BIN3: variants seen among roughly 807,000 people sequenced by gnomAD.
The protein encoded by BIN3 is bridging integrator 3.
In BIN3, 41 loss-of-function variants were observed where a neutral mutation model predicts 38.2. The observed-to-expected ratio is 1.07, with a 90% CI of 0.84 to 1.39. The LOEUF (loss-of-function observed/expected upper bound fraction) is 1.39, where lower values mean the gene tolerates loss of function less well. Ranked by LOEUF, BIN3 falls within the 40% of genes most tolerant of loss-of-function variation. The pLI is 0.00. For synonymous variants in BIN3, 145 were observed against 122.6 expected, an observed-to-expected ratio of 1.18 and a Z score of -1.21; for missense variants, 361 against 324.3, an observed-to-expected ratio of 1.11 and a Z score of -0.87.
chr8:22,649,427 C>A (rs868022092), intron 1 of BIN3, among the ~76,000 whole-genome samples: 1 of 132,978 alleles, frequency 7.5e-6, no homozygotes, highest in African/African-American at 2.8e-5. Flanking sequence ...TACAGAAAAA[C>A]GTGCTCATTG....
At chr8:22,635,486 A>T (rs1385435706) in intron 4 of BIN3, among the ~76,000 whole-genome samples, 3 of 152,018 alleles carry the variant, frequency 2.0e-5, no homozygotes, top group Non-Finnish European at 2.9e-5. Context: ...TCCCCACTGG[A>T]CCCAGGGAAG....
intron 4 of BIN3, 87 bp downstream of exon 4, chr8:22,636,438 T>G: frequency 7.1e-7 from 1 of 1,402,808 alleles, no homozygotes. Flanking sequence ...GCGCAGCAAC[T>G]TCAGAGCCCT....
intron 4 of BIN3, chr8:22,634,616 A>C (rs6558174): frequency 4.5e-6 from 2 of 445,342 alleles, no homozygotes; most frequent in Non-Finnish European, 9.0e-6. Context: ...GTAGGAGCAC[A>C]CTGGTCCTCA....
At chr8:22,626,441 G>A (rs1802006339) in intron 6 of BIN3, 2 of 152,288 alleles carry the variant, frequency 1.3e-5, no homozygotes, top group African/African-American at 4.8e-5. Flanking sequence ...GGCAGCAGGT[G>A]CAGCTGGGCC....
chr8:22,621,043 TG>T lies in BIN3; in HGVS notation c.*378del. 1 of 176,716 alleles carries T rather than the reference TG, an allele frequency of 5.7e-6. No individual in the cohort carries two copies. The highest frequency in any genetic ancestry group is 1.6e-4 in the East Asian group (1 of 6,222). The allele number at this position is 176,716 out of a possible 1,614,324, so 10.9% of individuals were successfully genotyped here. A position where few individuals can be genotyped will look rare whatever the true frequency, so the allele number is the denominator to read the frequency against. On this transcript the variant is annotated 3_prime_UTR_variant, in exon 9 of 9. Transcript: ENST00000276416. ...CGAGGGGCCAGAGGGCTCCCCAGGA[TG>T]GGTCTTTTGGAGGTAGATTTGATGC...
chr8:22,645,080 G>T lies in BIN3; in HGVS notation c.9-277C>A, dbSNP rs577337386. On this transcript the variant is annotated intron_variant, in intron 1 of 8. Transcript: ENST00000276416. ...GTCTGTCATTTAAAGAAAATGAAAA[G>T]GTGAGGCCAAGGAGTTTGAGGCTGT... Among the ~76,000 whole-genome samples the T allele has an allele frequency of 2.6e-5, 4 of 152,124 alleles. No homozygotes were observed. The South Asian group carries it at 8.3e-4, about 32-fold the overall frequency.
intron 1 of BIN3, among the ~76,000 whole-genome samples, chr8:22,668,079 T>C (rs1179560213): frequency 2.0e-5 from 3 of 152,198 alleles, no homozygotes; most frequent in African/African-American, 7.2e-5. Flanking sequence ...GGGGCTCAAT[T>C]TATTCACACA....
chr8:22,632,278 G>A (rs928925833), intron 4 of BIN3, among the ~76,000 whole-genome samples: 3 of 152,160 alleles, frequency 2.0e-5, no homozygotes, highest in Non-Finnish European at 4.4e-5. Flanking sequence ...CTGACCCTGC[G>A]CTCCCCGGGG....
At chr8:22,623,566 C>T (rs181652823) in intron 8 of BIN3, among the ~76,000 whole-genome samples, 3 of 152,336 alleles carry the variant, frequency 2.0e-5, no homozygotes, top group South Asian at 2.1e-4. Context: ...CCTTTCTTCT[C>T]GGCACCACCC....
intron 1 of BIN3, among the ~76,000 whole-genome samples, chr8:22,668,500 T>C (rs1178773266): frequency 6.6e-6 from 1 of 152,110 alleles, no homozygotes; most frequent in South Asian, 2.1e-4. Flanking sequence ...AATCCCACAG[T>C]GGAAGGGTGT....
chr8:22,654,866 T>C (rs947519584), intron 1 of BIN3, among the ~76,000 whole-genome samples: 1 of 152,240 alleles, frequency 6.6e-6, no homozygotes, highest in African/African-American at 2.4e-5. Flanking sequence ...CTGGGTCATA[T>C]GGTCACTCTA....
chr8:22,636,451 G>C, intron 4 of BIN3, 74 bp downstream of exon 4: 1 of 1,461,278 alleles, frequency 6.8e-7, no homozygotes, highest in South Asian at 1.2e-5. Context: ...AGAGCCCTTG[G>C]GGGGCTGAGA....
At chr8:22,622,240 G>C (rs1306391757) in intron 8 of BIN3, among the ~76,000 whole-genome samples, 1 of 152,340 alleles carries the variant, frequency 6.6e-6, no homozygotes, top group Non-Finnish European at 1.5e-5. Context: ...ACAGACAATA[G>C]GGGCCACTTC....
At position 22,630,011 on chromosome 8, in the gene BIN3, A is replaced by C; in HGVS notation, c.298-7T>G. 2 of 1,608,316 alleles carry C rather than the reference A, an allele frequency of 1.2e-6. No homozygotes were observed. Among genetic ancestry groups the C allele is most frequent in the Non-Finnish European group, 1.7e-6 (2 of 1,176,976 alleles). On this transcript the variant is annotated splice_region_variant and splice_polypyrimidine_tract_variant and intron_variant, in intron 5 of 8. Transcript: ENST00000276416. The stretch of plus-strand genomic sequence containing the variant: ...TCTTCTGGATCTGGTTCACCTGTCA[A>C]AGAAAAACCCAAAGACATTAAAACT...
At chr8:22,629,744 G>A (rs1408248397) in intron 6 of BIN3, 1 of 587,408 alleles carries the variant, frequency 1.7e-6, no homozygotes, top group Non-Finnish European at 3.0e-6. Context: ...GGTGGTGGCA[G>A]GGGTACCCTG....
chr8:22,662,310 T>C (rs1803262408), intron 1 of BIN3, among the ~76,000 whole-genome samples: 1 of 152,230 alleles, frequency 6.6e-6, no homozygotes, highest in Non-Finnish European at 1.5e-5. Flanking sequence ...CTACTATTCC[T>C]CACCCTCAGA....
chr8:22,662,862 C>T (rs1047121723), intron 1 of BIN3, among the ~76,000 whole-genome samples: 6 of 152,114 alleles, frequency 3.9e-5, no homozygotes, highest in Non-Finnish European at 8.8e-5. Context: ...CAAGGCTGGC[C>T]GCGGTGGCTC....
At chr8:22,648,136 CAAAAA>C (rs55869105) in intron 1 of BIN3, among the ~76,000 whole-genome samples, 7 of 102,390 alleles carry the variant, frequency 6.8e-5, no homozygotes, top group Non-Finnish European at 1.1e-4. Context: ...CTCCGTCTCT[CAAAAA>C]AAAAAAAAAA....
chr8:22,628,690 T>G (rs1802083303), intron 6 of BIN3, among the ~76,000 whole-genome samples: 1 of 152,218 alleles, frequency 6.6e-6, no homozygotes, highest in Non-Finnish European at 1.5e-5. Flanking sequence ...TCTGAGTCCC[T>G]GCCTCATTCT....
Sources: allele counts gnomAD v4.1 joint callset (sites outside exome capture counted in the v4.1 genomes callset), GRCh38; gene constraint gnomAD v4.1.1; transcripts MANE v1.5; gene names NCBI Gene and HGNC (gene_info 2026-07-23, HGNC 2026-07-21).